Variants in SAMD5 observed in about 807,000 individuals in gnomAD.
The protein encoded by SAMD5 is sterile alpha motif domain containing 5.
A neutral mutation model predicts 11.3 loss-of-function variants in SAMD5; 13 were observed. The ratio of observed to expected loss-of-function variants is 1.15; its 90% confidence interval spans 0.75 to 1.83. The LOEUF is 1.83. Among genes scored for constraint, SAMD5 ranks in the 40% most tolerant of loss-of-function variants. SAMD5 has a pLI of 0.00. For missense variants in SAMD5, 255 were observed against 239.1 expected, an observed-to-expected ratio of 1.07 and a Z score of -0.44; for synonymous variants, 129 against 111.3, an observed-to-expected ratio of 1.16 and a Z score of -1.00.
the SAMD5 span, among the ~76,000 whole-genome samples, chr6:147,916,905 C>T: frequency 3.3e-5 from 5 of 150,236 alleles, no homozygotes; most frequent in Admixed American, 1.3e-4. Context: ...TTTATGGCTG[C>T]GTAGTATTCC....
chr6:147,509,088 C>A lies in SAMD5; in HGVS notation c.160C>A (p.Arg54Ser), dbSNP rs140318247. The A allele has an allele frequency of 1.9e-6, 3 of 1,599,862 alleles. No homozygotes were observed. The highest frequency in any genetic ancestry group is 2.3e-5 in the East Asian group (1 of 43,330). The change falls in exon 1 of 2, where the codon CGT becomes AGT. Residue 54 changes from arginine to serine, a missense_variant. Arg to Ser is a moderately radical substitution (Grantham distance 110). Coordinates refer to ENST00000367474, the MANE Select transcript of SAMD5 (RefSeq NM_001030060.3). ...GGTGCTGGCGCCCGCGCACCGCCGC[C>A]GTATCCTGGAGGCCGTGCGCCGGCT... is the stretch of plus-strand genomic sequence containing the variant. ...IGVLAPAHRR[R>S]ILEAVRRLRE... is the part of the protein sequence containing the mutation.
chr6:147,615,551 T>G (rs1007421589), intron 1 of SAMD5, among the ~76,000 whole-genome samples: 2 of 152,198 alleles, frequency 1.3e-5, no homozygotes, highest in Non-Finnish European at 2.9e-5. Flanking sequence ...AAAATTAAGA[T>G]ATTACTTATT....
chr6:147,564,634 T>C lies in SAMD5; in HGVS notation c.*178T>C, dbSNP rs1190503141. 2.2e-6 allele frequency: 3 copies of C among 1,393,396 alleles called. No homozygotes were observed. In the African/African-American group the frequency reaches 4.4e-5, roughly 20 times the overall value. The allele number at this position is 1,393,396 out of a possible 1,614,324, so 86.3% of individuals were successfully genotyped here. On this transcript the variant is annotated 3_prime_UTR_variant, in exon 2 of 2. Coordinates refer to ENST00000367474, the MANE Select transcript of SAMD5 (RefSeq NM_001030060.3). ...AACTTAGTAAACTGGGTAACTGGCT[T>C]ATAACAGCTAGAAATAAGGCAGTGA...
chr6:147,643,314 G>A (rs1790341811), intron 1 of SAMD5, among the ~76,000 whole-genome samples: 1 of 152,020 alleles, frequency 6.6e-6, no homozygotes, highest in Non-Finnish European at 1.5e-5. Context: ...TTGCTTAGAT[G>A]TGCCTTCCAC....
chr6:147,888,814 G>A, the SAMD5 span, among the ~76,000 whole-genome samples: 1 of 151,648 alleles, frequency 6.6e-6, no homozygotes, highest in African/African-American at 2.4e-5. Context: ...GAACCCAGGA[G>A]GCAGAGGTTG....
chr6:147,523,054 C>T (rs570732182), intron 1 of SAMD5, among the ~76,000 whole-genome samples: 5 of 152,178 alleles, frequency 3.3e-5, no homozygotes, highest in African/African-American at 1.2e-4. Flanking sequence ...CTTCATCCTC[C>T]ACTCTTCTAC....
chr6:147,577,218 T>A (rs1265216839), intron 1 of SAMD5, among the ~76,000 whole-genome samples: 1 of 152,230 alleles, frequency 6.6e-6, no homozygotes, highest in Non-Finnish European at 1.5e-5. Context: ...TGTGAATCAA[T>A]AACCGTCTTG....
intron 1 of SAMD5, among the ~76,000 whole-genome samples, chr6:147,616,494 C>A (rs1388441388): frequency 6.6e-6 from 1 of 151,878 alleles, no homozygotes; most frequent in Non-Finnish European, 1.5e-5. Context: ...TGTTGCTCTT[C>A]GGCTTTAATA....
chr6:147,516,471 C>T (rs1788172500), intron 1 of SAMD5, among the ~76,000 whole-genome samples: 1 of 152,108 alleles, frequency 6.6e-6, no homozygotes, highest in East Asian at 1.9e-4. Flanking sequence ...GTGATTACCA[C>T]ATAGGGTTGT....
chr6:147,745,782 T>C, the SAMD5 span, among the ~76,000 whole-genome samples: 70 of 145,046 alleles, frequency 4.8e-4, no homozygotes, highest in East Asian at 8.5e-3. Flanking sequence ...TCTTTCTTTT[T>C]TTTTTTTTTT....
intron 1 of SAMD5, among the ~76,000 whole-genome samples, chr6:147,722,127 C>G (rs1791560775): frequency 6.6e-6 from 1 of 152,150 alleles, no homozygotes; most frequent in African/African-American, 2.4e-5. Flanking sequence ...TCAATTATTA[C>G]AGGTATTTTC....
chr6:147,843,051 G>A, the SAMD5 span, among the ~76,000 whole-genome samples: 2 of 152,056 alleles, frequency 1.3e-5, no homozygotes, highest in South Asian at 2.1e-4. Context: ...GTAGAAACAG[G>A]GTTTCACCAT....
intron 1 of SAMD5, among the ~76,000 whole-genome samples, chr6:147,575,351 A>G (rs1453859158): frequency 1.3e-5 from 2 of 152,258 alleles, no homozygotes; most frequent in Admixed American, 1.3e-4. Flanking sequence ...AGCTGTCTGC[A>G]GAAAGTTTTC....
chr6:147,616,786 G>C (rs771013258), intron 1 of SAMD5, among the ~76,000 whole-genome samples: 1 of 152,160 alleles, frequency 6.6e-6, no homozygotes, highest in Non-Finnish European at 1.5e-5. Flanking sequence ...TCTTCACAAG[G>C]CAGCAGGAAA....
chr6:147,520,442 C>A (rs987508018), intron 1 of SAMD5, among the ~76,000 whole-genome samples: 5 of 152,158 alleles, frequency 3.3e-5, no homozygotes, highest in African/African-American at 1.2e-4. Flanking sequence ...AGTGCCCTTA[C>A]TGACAGTGAG....
At chr6:147,629,862 C>T (rs554934924) in intron 1 of SAMD5, among the ~76,000 whole-genome samples, 10 of 151,976 alleles carry the variant, frequency 6.6e-5, no homozygotes, top group Middle Eastern at 3.4e-3. Flanking sequence ...TTTGAACCTT[C>T]AGCAGTTATG....
chr6:147,797,900 G>T, the SAMD5 span, among the ~76,000 whole-genome samples: 4 of 151,146 alleles, frequency 2.6e-5, no homozygotes, highest in East Asian at 7.8e-4. Flanking sequence ...ATTTCTGTGG[G>T]ATCGGTGGTG....
the SAMD5 span, among the ~76,000 whole-genome samples, chr6:147,767,467 CCG>C: frequency 6.6e-6 from 1 of 152,044 alleles, no homozygotes; most frequent in Non-Finnish European, 1.5e-5. Context: ...TTGTGTCTCC[CCG>C]AAACTCTTAT....
the SAMD5 span, among the ~76,000 whole-genome samples, chr6:147,943,498 C>T: frequency 2.6e-3 from 388 of 152,058 alleles, no homozygotes; most frequent in African/African-American, 8.8e-3. Flanking sequence ...CTTTGCTCTG[C>T]GTATTTCATT....
Sources: allele counts gnomAD v4.1 joint callset (sites outside exome capture counted in the v4.1 genomes callset), GRCh38; gene constraint gnomAD v4.1.1; transcripts MANE v1.5; gene names NCBI Gene and HGNC (gene_info 2026-07-23, HGNC 2026-07-21).